GCNT1: variants seen among roughly 807,000 people sequenced by gnomAD.
The protein encoded by GCNT1 is glucosaminyl (N-acetyl) transferase 1.
A neutral mutation model predicts 26.2 loss-of-function variants in GCNT1; 16 were observed. The observed-to-expected ratio is 0.61, with a 90% CI of 0.41 to 0.93. The LOEUF (loss-of-function observed/expected upper bound fraction) is 0.93. GCNT1 is among the 40% of genes least tolerant of loss of function. GCNT1 has a pLI of 0.00. For synonymous variants in GCNT1, 183 were observed against 190.8 expected (o/e 0.96, Z 0.34); for missense variants, 477 against 526.7 (o/e 0.91, Z 0.92).
At chr9:76,453,364 A>G in intron 1 of GCNT1, among the ~76,000 whole-genome samples, 1 of 152,178 alleles carries the variant, frequency 6.6e-6, no homozygotes, top group Non-Finnish European at 1.5e-5. Context: ...GGTAAAAAGG[A>G]GGGATGAGGA....
At chr9:76,452,905 C>T (rs1823695856) in intron 1 of GCNT1, among the ~76,000 whole-genome samples, 1 of 152,160 alleles carries the variant, frequency 6.6e-6, no homozygotes, top group Non-Finnish European at 1.5e-5. Flanking sequence ...TACCTACCTG[C>T]CAGCCCACAG....
intron 3 of GCNT1, among the ~76,000 whole-genome samples, chr9:76,501,546 ATGGAACTAAACTCATTG>A (rs1485862206): frequency 6.6e-6 from 1 of 152,228 alleles, no homozygotes; most frequent in Non-Finnish European, 1.5e-5. Context: ...AGTTTCTGGC[ATGGAACTAAACTCATTG>A]TGGGACTAAC....
At chr9:76,451,848 T>C (rs1823667697) in intron 1 of GCNT1, among the ~76,000 whole-genome samples, 1 of 152,178 alleles carries the variant, frequency 6.6e-6, no homozygotes, top group Non-Finnish European at 1.5e-5. Context: ...TATACCAGCA[T>C]ATTGTAGCAG....
At chr9:76,470,569 A>C (rs187955084) in intron 2 of GCNT1, among the ~76,000 whole-genome samples, 19 of 149,726 alleles carry the variant, frequency 1.3e-4, no homozygotes, top group Non-Finnish European at 8.9e-5. Context: ...GGGCCACCAC[A>C]TTCAAGCCTG....
In GCNT1 at chr9:76,500,404, G is replaced by T. The variant is rs141403668; in HGVS notation, c.-289-512G>T. On this transcript the variant is annotated intron_variant, in intron 2 of 3. Coordinates refer to ENST00000376730, the MANE Select transcript of GCNT1 (RefSeq NM_001490.5). The stretch of plus-strand genomic sequence containing the variant: ...GGAATTACTTAAAGGCATACTTTTT[G>T]TAGTGTTTTGATATTTTAGTGGTTG... Among the ~76,000 whole-genome samples, 4 of 152,258 alleles carry T rather than the reference G, an allele frequency of 2.6e-5. No homozygotes were observed. The East Asian group carries it at 7.7e-4, about 29-fold the overall frequency.
At chr9:76,483,199 G>A (rs1277544835) in intron 2 of GCNT1, among the ~76,000 whole-genome samples, 1 of 152,064 alleles carries the variant, frequency 6.6e-6, no homozygotes, top group Non-Finnish European at 1.5e-5. Flanking sequence ...TTTTAAAAAA[G>A]TATTTGTTGA....
intron 1 of GCNT1, among the ~76,000 whole-genome samples, chr9:76,433,755 C>T (rs1161281150): frequency 2.6e-5 from 4 of 152,120 alleles, no homozygotes; most frequent in African/African-American, 9.7e-5. Flanking sequence ...TTCCTGCTGG[C>T]AAGGTGGTTG....
chr9:76,469,054 G>T (rs114185026), intron 2 of GCNT1, among the ~76,000 whole-genome samples: 2 of 152,080 alleles, frequency 1.3e-5, no homozygotes, highest in African/African-American at 2.4e-5. Context: ...CTTTACAATT[G>T]ATTGAAACCC....
chr9:76,395,879 C>T, the GCNT1 span, among the ~76,000 whole-genome samples: 1 of 152,166 alleles, frequency 6.6e-6, no homozygotes, highest in Non-Finnish European at 1.5e-5. Context: ...GACTCCCGTC[C>T]TTAATAAGAG....
intron 2 of GCNT1, among the ~76,000 whole-genome samples, chr9:76,467,952 G>A (rs1309686989): frequency 7.6e-6 from 1 of 131,024 alleles, no homozygotes; most frequent in Admixed American, 8.8e-5. Flanking sequence ...TGTCGCCCAG[G>A]CTGGAGTACA....
intron 1 of GCNT1, among the ~76,000 whole-genome samples, chr9:76,430,490 T>C (rs927479806): frequency 1.3e-5 from 2 of 152,094 alleles, no homozygotes; most frequent in African/African-American, 4.8e-5. Flanking sequence ...CAAGTGATCC[T>C]TCCACCTCAG....
chr9:76,394,362 A>C, the GCNT1 span: 6 of 497,006 alleles, frequency 1.2e-5, no homozygotes, highest in East Asian at 3.8e-5. Context: ...CGACCCAACA[A>C]ATACCGCCGG....
the GCNT1 span, among the ~76,000 whole-genome samples, chr9:76,414,740 G>A: frequency 1.2e-3 from 177 of 152,216 alleles, no homozygotes; most frequent in African/African-American, 3.8e-3. Flanking sequence ...GCATTATAAC[G>A]AACATATAAT....
the GCNT1 span, chr9:76,394,062 CG>C: frequency 6.4e-7 from 1 of 1,568,202 alleles, no homozygotes. Context: ...TGACCCGGCC[CG>C]GGGGACTCTG....
chr9:76,503,594 G>A lies in GCNT1; in HGVS notation c.1213G>A (p.Asp405Asn), dbSNP rs1367800909. ...CTTGTTTGCCAATAAGTTTGACGTG[G>A]ATGTTGACCTCTTTGCCATCCAGTG... is the stretch of plus-strand genomic sequence containing the variant. ...HHLFANKFDVDVDLFAIQCLD... is the reference protein window; with the variant it reads ...HHLFANKFDVNVDLFAIQCLD... Residue 405 changes from aspartate to asparagine, a missense_variant, in exon 4 of 4, where the codon GAT becomes AAT. Physicochemically the swap from Asp to Asn is conservative, Grantham distance 23 (BLOSUM62 1). Coordinates refer to ENST00000376730, the MANE Select transcript of GCNT1 (RefSeq NM_001490.5). 1 of 1,614,194 alleles carries A rather than the reference G, an allele frequency of 6.2e-7. No homozygotes were observed. The highest frequency in any genetic ancestry group is 8.5e-7 in the Non-Finnish European group (1 of 1,180,038).
chr9:76,468,854 A>G (rs1824065362), intron 2 of GCNT1, among the ~76,000 whole-genome samples: 1 of 152,198 alleles, frequency 6.6e-6, no homozygotes, highest in Non-Finnish European at 1.5e-5. Flanking sequence ...GGCTGTGTGG[A>G]GAAGTTTTCA....
At chr9:76,423,948 A>G (rs1330624483) in intron 1 of GCNT1, among the ~76,000 whole-genome samples, 1 of 152,236 alleles carries the variant, frequency 6.6e-6, no homozygotes, top group Non-Finnish European at 1.5e-5. Context: ...AAAATTTACC[A>G]CATCAGAACT....
chr9:76,439,692 G>A (rs577705380), upstream of GCNT1, among the ~76,000 whole-genome samples: 4 of 152,268 alleles, frequency 2.6e-5, no homozygotes, highest in South Asian at 8.3e-4. Context: ...TTTGAAAACA[G>A]TGCTCTCCTT....
At chr9:76,496,116 C>T (rs1021279744) in intron 2 of GCNT1, among the ~76,000 whole-genome samples, 4 of 152,236 alleles carry the variant, frequency 2.6e-5, no homozygotes, top group African/African-American at 9.6e-5. Flanking sequence ...AGGCTATTCA[C>T]TGTGCCTGGG....
Sources: allele counts gnomAD v4.1 joint callset (sites outside exome capture counted in the v4.1 genomes callset), GRCh38; gene constraint gnomAD v4.1.1; transcripts MANE v1.5; gene names NCBI Gene and HGNC (gene_info 2026-07-23, HGNC 2026-07-21).